Variants in TTC22 observed in about 807,000 individuals in gnomAD.
TTC22 encodes tetratricopeptide repeat protein 22.
In TTC22, 42 loss-of-function variants were observed where a neutral mutation model predicts 48.2. That is an observed-to-expected ratio of 0.87 (90% CI 0.68 to 1.13). The LOEUF is 1.13. TTC22 is among the 50% of genes most tolerant of loss of function. The probability of loss-of-function intolerance (pLI) is 0.00; values close to 1 mark genes in which losing one functional copy is unlikely to be tolerated. For missense variants in TTC22, 784 were observed against 807.0 expected, an observed-to-expected ratio of 0.97 and a Z score of 0.34; for synonymous variants, 345 against 365.5, an observed-to-expected ratio of 0.94 and a Z score of 0.64.
intron 1 of TTC22, among the ~76,000 whole-genome samples, chr1:54,791,136 A>T (rs2101459548): frequency 6.6e-6 from 1 of 152,294 alleles, no homozygotes; most frequent in African/African-American, 2.4e-5. Context: ...CTGGGATTAC[A>T]GGTGTGAGCC....
At position 54,790,100 on chromosome 1, in the gene TTC22, C is replaced by T. The variant is rs1034364119; in HGVS notation, c.568-2003G>A. ...AAGGAGATAGAGCTGGAGGGTTGGG[C>T]GCAGTAGCTTATGCCTGTACTCCCA... On this transcript the variant is annotated intron_variant, in intron 1 of 6. Transcript: ENST00000371276. Among the ~76,000 whole-genome samples the T allele has an allele frequency of 3.9e-5, 6 of 152,136 alleles. No homozygotes were observed. In the East Asian group the frequency reaches 5.8e-4, roughly 15 times the overall value.
At chr1:54,791,016 CA>C (rs1208743246) in intron 1 of TTC22, among the ~76,000 whole-genome samples, 6 of 152,164 alleles carry the variant, frequency 3.9e-5, no homozygotes, top group Non-Finnish European at 8.8e-5. Context: ...TCTGCCACCA[CA>C]CCCGACTAGT....
intron 1 of TTC22, among the ~76,000 whole-genome samples, chr1:54,791,175 T>C (rs1382359330): frequency 6.6e-6 from 1 of 152,198 alleles, no homozygotes; most frequent in Non-Finnish European, 1.5e-5. Context: ...GCTGCTTCTA[T>C]GTGAGCAATC....
chr1:54,783,349 ACT>A (rs1646276928), intron 5 of TTC22, among the ~76,000 whole-genome samples: 1 of 152,106 alleles, frequency 6.6e-6, no homozygotes, highest in African/African-American at 2.4e-5. Context: ...GAGTTCCACA[ACT>A]CTATGAACCT....
Position 54,781,364 on chromosome 1 carries a change from C to A in TTC22, c.1589G>T (p.Gly530Val). The A allele has an allele frequency of 7.2e-7, 1 of 1,396,336 alleles. No homozygotes were observed. The highest frequency in any genetic ancestry group is 9.2e-7 in the Non-Finnish European group (1 of 1,087,312). 86.5% of individuals were successfully genotyped at this position (1,396,336 alleles called of 1,614,324 possible). Residue 530 changes from glycine (G) to valine (V), a missense_variant, in exon 7 of 7, where the codon GGG (glycine) becomes GTG (valine). Coordinates refer to ENST00000371276, the MANE Select transcript of TTC22 (RefSeq NM_001114108.2). ...CTGGGCCACCAGGGCCCGGGCCAGC[C>A]CCAACACCTCGTCCGTGTGCCCGCG... ...VWRGHTDEVL[G>V]LARALVAQGR...
chr1:54,798,001 T>C (rs889037148), intron 1 of TTC22, among the ~76,000 whole-genome samples: 10 of 152,106 alleles, frequency 6.6e-5, no homozygotes, highest in African/African-American at 2.2e-4. Flanking sequence ...TCTGGACACA[T>C]GGAAACCCAC....
rs76715802 is a variant in TTC22, at chr1:54,785,043, A to G, written c.1020+940T>C. 6.5e-3 allele frequency: 1,277 copies of G among 195,296 alleles called. 46 individuals are homozygous for G. In the East Asian group the frequency reaches 0.072, roughly 11 times the overall value. The allele number at this position is 195,296 out of a possible 1,614,324, so 12.1% of individuals were successfully genotyped here. On this transcript the variant is annotated intron_variant, in intron 5 of 6. Transcript: ENST00000371276. ...CTGTGTGCTTGATGCTGAGTTTTAC[A>G]TACAAAATCTAATGTAATTCTCATA...
intron 1 of TTC22, among the ~76,000 whole-genome samples, chr1:54,789,689 C>G (rs1365863667): frequency 6.6e-6 from 1 of 152,220 alleles, no homozygotes; most frequent in East Asian, 1.9e-4. Context: ...AAGGCAGGCT[C>G]TGGGTCCTGC....
Position 54,781,600 on chromosome 1 carries a change from C to G in TTC22, c.1353G>C (p.Ala451=). ...CLRIKGEDAN[A]AACFKRAVEL... ...CCACTGCGCGCTTGAAGCAGGCGGCCGCGTTGGCGTCCTCGCCCTTGATGC... is the reference window on the plus strand; with the variant it reads ...CCACTGCGCGCTTGAAGCAGGCGGCGGCGTTGGCGTCCTCGCCCTTGATGC... The change falls in exon 7 of 7, where the codon GCG becomes GCC. Residue 451 remains alanine, a synonymous_variant. Coordinates refer to ENST00000371276, the MANE Select transcript of TTC22 (RefSeq NM_001114108.2). 6.6e-7 allele frequency: 1 copy of G among 1,524,278 alleles called. No homozygotes were observed. The highest frequency in any genetic ancestry group is 1.2e-5 in the South Asian group (1 of 82,500). The allele number at this position is 1,524,278 out of a possible 1,614,324, so 94.4% of individuals were successfully genotyped here.
At chr1:54,787,861 C>G in intron 2 of TTC22, 35 bp from the exon 3 acceptor site, 1 of 1,562,500 alleles carries the variant, frequency 6.4e-7, no homozygotes, top group South Asian at 1.1e-5. Flanking sequence ...TGGGTGGCAC[C>G]CCTCCCGGCT....
chr1:54,789,720 C>T (rs1646335783), intron 1 of TTC22, among the ~76,000 whole-genome samples: 2 of 152,186 alleles, frequency 1.3e-5, no homozygotes, highest in Admixed American at 1.3e-4. Context: ...GACCCAAAGA[C>T]ACAATAGAGT....
intron 5 of TTC22, 30 bp downstream of exon 5, chr1:54,785,953 A>G (rs367977758): frequency 1.9e-6 from 3 of 1,597,964 alleles, no homozygotes; most frequent in East Asian, 2.2e-5. Flanking sequence ...TCCCAATGGC[A>G]GGGTATGGTG....
Position 54,800,657 on chromosome 1 carries a change from A to G in TTC22, c.507T>C (p.Arg169=). ...FDVGCASPEE[R]ARGLAAGIAL... is the part of the protein sequence containing the mutation. ...CGATGCCTGCCGCCAGCCCCCGCGC[A>G]CGCTCCTCTGGGCTGGCGCAGCCGA... is the stretch of plus-strand genomic sequence containing the variant. Residue 169 remains arginine, a synonymous_variant, in exon 1 of 7, where the codon CGT becomes CGC. Coordinates refer to ENST00000371276, the MANE Select transcript of TTC22 (RefSeq NM_001114108.2). The G allele has an allele frequency of 6.4e-7, 1 of 1,554,118 alleles. No individual in the cohort carries two copies. The highest frequency in any genetic ancestry group is 1.2e-5 in the South Asian group (1 of 85,460).
chr1:54,782,592 G>T, intron 5 of TTC22, 115 bp from the exon 6 acceptor site: 1 of 1,158,996 alleles, frequency 8.6e-7, no homozygotes, highest in Admixed American at 2.8e-5. Flanking sequence ...GTTATGTGTT[G>T]CAGTAGAAAG....
Position 54,788,084 on chromosome 1 carries a change from T to A in TTC22, c.581A>T (p.Glu194Val). The A allele has an allele frequency of 6.2e-7, 1 of 1,613,836 alleles. No homozygotes were observed. Among genetic ancestry groups the A allele is most frequent in the Non-Finnish European group, 8.5e-7 (1 of 1,179,922 alleles). ...LGYGQQIPME[E>V]KRGWYFTMAT... ...CATGGTGAAATACCAGCCCCTTTTCTCCTCCATCGGGATCTAGGGAAACAG... is the reference window on the plus strand; with the variant it reads ...CATGGTGAAATACCAGCCCCTTTTCACCTCCATCGGGATCTAGGGAAACAG... Residue 194 changes from glutamate to valine, a missense_variant, in exon 2 of 7, where the codon GAG becomes GTG. Transcript: ENST00000371276.
chr1:54,790,816 TTTCCTTCTTC>T (rs967459579), intron 1 of TTC22, among the ~76,000 whole-genome samples: 28 of 152,092 alleles, frequency 1.8e-4, no homozygotes, highest in Admixed American at 2.6e-4. Flanking sequence ...TCTTCTTCTT[TTTCCTTCTTC>T]TTCCTTCTTC....
At chr1:54,786,263 T>C in intron 4 of TTC22, 119 bp from the exon 5 acceptor site, 1 of 917,526 alleles carries the variant, frequency 1.1e-6, no homozygotes, top group South Asian at 1.6e-5. Context: ...CATGGTGCCC[T>C]TTACCCATAT....
At chr1:54,781,855 A>T (rs868830051) in intron 6 of TTC22, 76 bp from the exon 7 acceptor site, 7 of 1,211,154 alleles carry the variant, frequency 5.8e-6, no homozygotes, top group South Asian at 5.7e-5. Context: ...CGCTTGCTTT[A>T]AAAAAAAATT....
chr1:54,790,143 G>A (rs1646338883), intron 1 of TTC22, among the ~76,000 whole-genome samples: 1 of 152,198 alleles, frequency 6.6e-6, no homozygotes, highest in Non-Finnish European at 1.5e-5. Context: ...GGGAAGGTGA[G>A]GCAGGAGAAT....
Sources: allele counts gnomAD v4.1 joint callset (sites outside exome capture counted in the v4.1 genomes callset), GRCh38; gene constraint gnomAD v4.1.1; transcripts MANE v1.5; gene names NCBI Gene and HGNC (gene_info 2026-07-23, HGNC 2026-07-21).